The following NRG3 variants were observed in gnomAD, a reference collection of about 807,000 sequenced individuals.
NRG3 encodes pro-neuregulin-3, membrane-bound isoform.
A neutral mutation model predicts 66.9 loss-of-function variants in NRG3; 31 were observed. That is an observed-to-expected ratio of 0.46 (90% CI 0.35 to 0.63). NRG3 has a LOEUF of 0.63. NRG3 is among the 20% of genes least tolerant of loss of function. The pLI, the probability that NRG3 is intolerant of heterozygous loss-of-function variation, is 0.00. For missense variants in NRG3, 910 were observed against 878.9 expected, an observed-to-expected ratio of 1.04 and a Z score of -0.45; for synonymous variants, 393 against 359.4, an observed-to-expected ratio of 1.09 and a Z score of -1.06.
intron 1 of NRG3, among the ~76,000 whole-genome samples, chr10:81,933,466 A>C (rs899789959): frequency 8.5e-5 from 13 of 152,300 alleles, no homozygotes; most frequent in African/African-American, 3.1e-4. Flanking sequence ...TTTAGGGTAC[A>C]TGTGCACATC....
At chr10:82,506,033 G>A (rs2132396908) in intron 2 of NRG3, among the ~76,000 whole-genome samples, 1 of 152,106 alleles carries the variant, frequency 6.6e-6, no homozygotes, top group East Asian at 1.9e-4. Flanking sequence ...GGACCACAAT[G>A]TCAGGAGACT....
chr10:82,919,886 A>T (rs1261495047), intron 4 of NRG3, among the ~76,000 whole-genome samples: 1 of 152,116 alleles, frequency 6.6e-6, no homozygotes, highest in Non-Finnish European at 1.5e-5. Flanking sequence ...TGAAAACAAA[A>T]ATTTCTCAAA....
intron 2 of NRG3, among the ~76,000 whole-genome samples, chr10:82,713,636 A>C (rs1046930514): frequency 6.6e-6 from 1 of 152,226 alleles, no homozygotes; most frequent in Non-Finnish European, 1.5e-5. Flanking sequence ...AATAATACAA[A>C]TACAGAGGAT....
At chr10:82,823,777 T>A (rs1430481807) in intron 3 of NRG3, among the ~76,000 whole-genome samples, 1 of 152,104 alleles carries the variant, frequency 6.6e-6, no homozygotes, top group Non-Finnish European at 1.5e-5. Flanking sequence ...TTGACTGAGG[T>A]CTCCGTTGCA....
At chr10:81,972,300 A>G (rs1229009373) in intron 1 of NRG3, among the ~76,000 whole-genome samples, 1 of 152,218 alleles carries the variant, frequency 6.6e-6, no homozygotes, top group Non-Finnish European at 1.5e-5. Flanking sequence ...CTAGCACCCA[A>G]TCAAAACTAA....
At chr10:82,353,610 A>G (rs1402976479) in intron 1 of NRG3, among the ~76,000 whole-genome samples, 1 of 152,198 alleles carries the variant, frequency 6.6e-6, no homozygotes, top group African/African-American at 2.4e-5. Context: ...ATAAGAAAAC[A>G]CATTAAACTA....
At chr10:82,646,677 T>A (rs1663409096) in intron 2 of NRG3, among the ~76,000 whole-genome samples, 2 of 152,130 alleles carry the variant, frequency 1.3e-5, no homozygotes, top group Admixed American at 1.3e-4. Flanking sequence ...TGAGCTCAAC[T>A]TTGCCAGAGC....
At chr10:82,068,326 A>T (rs912849664) in intron 1 of NRG3, among the ~76,000 whole-genome samples, 3 of 152,210 alleles carry the variant, frequency 2.0e-5, no homozygotes, top group African/African-American at 7.2e-5. Flanking sequence ...ACATTCTTTT[A>T]AAAATGTGTA....
At chr10:82,411,474 G>C (rs2088082703) in intron 2 of NRG3, among the ~76,000 whole-genome samples, 1 of 152,084 alleles carries the variant, frequency 6.6e-6, no homozygotes, top group Admixed American at 6.6e-5. Context: ...GCATGTCTCA[G>C]AGCCTCTGTC....
chr10:82,605,417 C>T (rs945723758), intron 2 of NRG3, among the ~76,000 whole-genome samples: 1 of 151,982 alleles, frequency 6.6e-6, no homozygotes, highest in South Asian at 2.1e-4. Flanking sequence ...TCTCACATAC[C>T]AGCAACAAAT....
intron 2 of NRG3, among the ~76,000 whole-genome samples, chr10:82,652,237 G>A (rs1306484520): frequency 2.6e-5 from 4 of 152,172 alleles, no homozygotes; most frequent in African/African-American, 9.7e-5. Flanking sequence ...CGCAGAGGCA[G>A]CTGCCTTCCA....
At chr10:82,926,475 A>AAATG (rs1564636183) in intron 4 of NRG3, among the ~76,000 whole-genome samples, 1 of 151,980 alleles carries the variant, frequency 6.6e-6, no homozygotes, top group African/African-American at 2.4e-5. Context: ...CCAAATAAAT[A>AAATG]AAAACTTTCT....
intron 1 of NRG3, among the ~76,000 whole-genome samples, chr10:81,923,500 C>T (rs1215984858): frequency 2.0e-5 from 3 of 152,210 alleles, no homozygotes; most frequent in Non-Finnish European, 2.9e-5. Flanking sequence ...CCACCGCGCC[C>T]GGCCGAATTT....
At chr10:82,707,772 G>A (rs1192152830) in intron 2 of NRG3, among the ~76,000 whole-genome samples, 1 of 149,472 alleles carries the variant, frequency 6.7e-6, no homozygotes, top group South Asian at 2.1e-4. Flanking sequence ...ACTTTGGGAG[G>A]CTGAGGTGTG....
intron 1 of NRG3, among the ~76,000 whole-genome samples, chr10:82,317,384 G>T (rs1323106135): frequency 6.6e-6 from 1 of 151,884 alleles, no homozygotes; most frequent in African/African-American, 2.4e-5. Flanking sequence ...AAGGTATTTG[G>T]CACATTACTG....
chr10:82,769,169 GT>G (rs2059623563), intron 3 of NRG3, among the ~76,000 whole-genome samples: 1 of 152,036 alleles, frequency 6.6e-6, no homozygotes, highest in African/African-American at 2.4e-5. Flanking sequence ...CAACCTATAT[GT>G]TTTTGCCATT....
At position 82,694,893 on chromosome 10, in the gene NRG3, C is replaced by A. The variant is rs947379655; in HGVS notation, c.954-43684C>A. Among the ~76,000 whole-genome samples the A allele has an allele frequency of 2.2e-4, 34 of 152,130 alleles. 1 individual carries two copies. ...TACAACCTCATTGAACATGATTGCT[C>A]CTAGTAGGAACTTAAATAGATAACA... is the stretch of plus-strand genomic sequence containing the variant. On this transcript the variant is annotated intron_variant, in intron 2 of 8. Transcript: ENST00000372141.
Position 82,751,256 on chromosome 10 carries a change from T to C in NRG3, c.1027+12606T>C, listed in dbSNP as rs2058851953. Among the ~76,000 whole-genome samples the C allele has an allele frequency of 2.0e-5, 3 of 152,162 alleles. No homozygotes were observed. The South Asian group carries it at 6.2e-4, about 31-fold the overall frequency. On this transcript the variant is annotated intron_variant, in intron 3 of 8. Transcript: ENST00000372141. ...AAGTCAATCCCTTAGGGAAGTTTTG[T>C]TTGAGAATTAAGGTGGAATTGATCT...
chr10:82,389,797 A>G (rs989674492), intron 2 of NRG3, among the ~76,000 whole-genome samples: 12 of 152,212 alleles, frequency 7.9e-5, no homozygotes, highest in African/African-American at 2.7e-4. Flanking sequence ...TACCAGAACA[A>G]TAGCTGGTCT....
Sources: allele counts gnomAD v4.1 joint callset (sites outside exome capture counted in the v4.1 genomes callset), GRCh38; gene constraint gnomAD v4.1.1; transcripts MANE v1.5; gene names NCBI Gene and HGNC (gene_info 2026-07-23, HGNC 2026-07-21).